ELF1: variants seen among roughly 807,000 people sequenced by gnomAD.
The protein encoded by ELF1 is E74 like ETS transcription factor 1.
Under a neutral mutation model 59.9 loss-of-function variants are expected in ELF1, and 24 were observed. The observed-to-expected ratio is 0.40, with a 90% CI of 0.29 to 0.56. The LOEUF is 0.56. ELF1 is among the 20% of genes least tolerant of loss of function. The pLI is 0.44. For missense variants in ELF1, 627 were observed against 742.2 expected (o/e 0.84, Z 1.80); for synonymous variants, 248 against 266.2 (o/e 0.93, Z 0.67).
At chr13:41,037,979 C>T (rs932768571) in intron 1 of ELF1, among the ~76,000 whole-genome samples, 1 of 151,334 alleles carries the variant, frequency 6.6e-6, no homozygotes, top group Non-Finnish European at 1.5e-5. Flanking sequence ...TTGCTACTGT[C>T]TCCCCACTAT....
At chr13:41,050,766 G>A (rs1247060118) in intron 1 of ELF1, among the ~76,000 whole-genome samples, 1 of 152,008 alleles carries the variant, frequency 6.6e-6, no homozygotes, top group Non-Finnish European at 1.5e-5. Flanking sequence ...TGCCAGGCTG[G>A]TCTCGAACTC....
intron 1 of ELF1, among the ~76,000 whole-genome samples, chr13:40,986,642 C>T (rs573245820): frequency 3.3e-5 from 1 of 30,276 alleles, no homozygotes; most frequent in East Asian, 1.1e-3. Flanking sequence ...TGCTTCAAGG[C>T]GAGGACTTCA....
intron 2 of ELF1, among the ~76,000 whole-genome samples, chr13:40,970,261 G>A (rs1392447438): frequency 1.3e-5 from 2 of 152,084 alleles, no homozygotes; most frequent in African/African-American, 4.8e-5. Flanking sequence ...AATCAGAACT[G>A]GAATCTAGAC....
chr13:41,010,805 A>G (rs767246146), intron 1 of ELF1, among the ~76,000 whole-genome samples: 11 of 152,174 alleles, frequency 7.2e-5, no homozygotes, highest in Non-Finnish European at 1.6e-4. Context: ...ACCCTCAGAC[A>G]ATGAAATCTT....
intron 1 of ELF1, among the ~76,000 whole-genome samples, chr13:41,041,541 G>GACGCGCACCTGT (rs1876609766): frequency 6.6e-6 from 1 of 152,236 alleles, no homozygotes; most frequent in African/African-American, 2.4e-5. Context: ...CGGGTGTGGT[G>GACGCGCACCTGT]ACGCGCACCT....
At chr13:40,995,285 C>A (rs1460953605) in intron 1 of ELF1, among the ~76,000 whole-genome samples, 1 of 152,182 alleles carries the variant, frequency 6.6e-6, no homozygotes, top group Non-Finnish European at 1.5e-5. Flanking sequence ...GATCAACTTA[C>A]TTCTCTGACA....
chr13:40,954,255 T>C (rs937360591), intron 3 of ELF1, among the ~76,000 whole-genome samples: 6 of 152,182 alleles, frequency 3.9e-5, no homozygotes, highest in Non-Finnish European at 5.9e-5. Flanking sequence ...GGGAGTGATA[T>C]GGCTTGGATT....
chr13:41,002,186 C>T (rs9590568), intron 1 of ELF1, among the ~76,000 whole-genome samples: 1 of 151,952 alleles, frequency 6.6e-6, no homozygotes, highest in Non-Finnish European at 1.5e-5. Flanking sequence ...GTAACCTCAA[C>T]GCCTTCATTT....
At chr13:40,955,291 C>G (rs1252509981) in intron 3 of ELF1, among the ~76,000 whole-genome samples, 1 of 146,120 alleles carries the variant, frequency 6.8e-6, no homozygotes, top group African/African-American at 2.5e-5. Context: ...GTCAGCCCCC[C>G]GCCCGGCCAG....
chr13:40,959,101 A>G, intron 2 of ELF1, 85 bp from the exon 3 acceptor site: 4 of 1,453,110 alleles, frequency 2.8e-6, no homozygotes, highest in Non-Finnish European at 3.6e-6. Context: ...ACTATTTTAT[A>G]CTAGCCATCA....
chr13:41,042,714 G>T lies in ELF1; in HGVS notation c.-229+18124C>A, dbSNP rs921825113. Among the ~76,000 whole-genome samples, 39 of 152,258 alleles carry T rather than the reference G, an allele frequency of 2.6e-4. No homozygotes were observed. In the East Asian group the frequency reaches 6.0e-3, roughly 23 times the overall value. Reference sequence around the variant, plus strand: ...TTCTTAATCCAGTCTATCATTGATGGACATTTGGCTTGGTTCCAAGTCTTT... The same window carrying T: ...TTCTTAATCCAGTCTATCATTGATGTACATTTGGCTTGGTTCCAAGTCTTT... On this transcript the variant is annotated intron_variant, in intron 1 of 1. Coordinates refer to the ELF1 transcript ENST00000405737.
At chr13:41,042,012 T>C (rs1329196308) in intron 1 of ELF1, among the ~76,000 whole-genome samples, 1 of 152,130 alleles carries the variant, frequency 6.6e-6, no homozygotes, top group Non-Finnish European at 1.5e-5. Flanking sequence ...ATAGGAGATA[T>C]TATTTATTTA....
intron 1 of ELF1, among the ~76,000 whole-genome samples, chr13:41,005,402 T>C (rs1035740391): frequency 7.1e-6 from 1 of 139,980 alleles, no homozygotes; most frequent in Non-Finnish European, 1.5e-5. Flanking sequence ...AAGTAACACT[T>C]GACCACCTTG....
rs149992300 is a variant in ELF1, at chr13:40,996,682, G to A, written c.-228-14400C>T. 1.9e-3 allele frequency among the ~76,000 whole-genome samples: 292 copies of A among 152,274 alleles called. 1 individual carries two copies. The highest frequency in any genetic ancestry group is 6.7e-3 in the African/African-American group (280 of 41,562). ...AGGTGATTAGCGAGAGGCTGATAACGGGGAGGCTATGCATGTGCAGGGGCA... is the reference window on the plus strand; with the variant it reads ...AGGTGATTAGCGAGAGGCTGATAACAGGGAGGCTATGCATGTGCAGGGGCA... On this transcript the variant is annotated intron_variant, in intron 1 of 8. Coordinates refer to ENST00000239882, the MANE Select transcript of ELF1 (RefSeq NM_172373.4).
chr13:41,045,230 TA>T (rs201985057), intron 1 of ELF1, among the ~76,000 whole-genome samples: 3,305 of 145,634 alleles, frequency 0.023, 106 homozygotes, highest in East Asian at 0.11. Flanking sequence ...TGTTGATCTT[TA>T]AAAAAAAAAA....
At chr13:41,060,905 AGCTGCT>A (rs1303515166) in exon 1 of ELF1, 9 of 320,576 alleles carry the variant, frequency 2.8e-5, no homozygotes, top group East Asian at 9.1e-5. Flanking sequence ...GCGCTACTGA[AGCTGCT>A]GCTGCCGCCG....
At position 41,003,017 on chromosome 13, in the gene ELF1, ATATT is replaced by A. The variant is rs568046654; in HGVS notation, c.-229+16207_-229+16210del. Among the ~76,000 whole-genome samples the A allele has an allele frequency of 6.6e-3, 1,010 of 152,300 alleles. 3 individuals carry two copies. The highest frequency in any genetic ancestry group is 0.011 in the Non-Finnish European group (744 of 68,032). ...GATCAAAGGACCTTTTATTTTCTTA[ATATT>A]TACTTACTAAAATTCTTCATTAAAC... On this transcript the variant is annotated intron_variant, in intron 1 of 8. Coordinates refer to ENST00000239882, the MANE Select transcript of ELF1 (RefSeq NM_172373.4).
chr13:40,954,447 T>A (rs1407505461), intron 3 of ELF1, among the ~76,000 whole-genome samples: 2 of 120,218 alleles, frequency 1.7e-5, no homozygotes, highest in Non-Finnish European at 3.9e-5. Context: ...GGTCTCCCTC[T>A]CCCCACGGTC....
At chr13:40,944,505 AC>A (rs1328149848) in intron 5 of ELF1, among the ~76,000 whole-genome samples, 1 of 152,164 alleles carries the variant, frequency 6.6e-6, no homozygotes, top group Non-Finnish European at 1.5e-5. Flanking sequence ...ATTTCTAAAA[AC>A]ATCTCGTTTT....
Sources: gnomAD v4.1 joint callset for allele counts (sites outside exome capture counted in the v4.1 genomes callset) on GRCh38, gnomAD v4.1.1 for gene constraint, MANE v1.5 for transcripts, NCBI Gene and HGNC (gene_info 2026-07-23, HGNC 2026-07-21) for gene names.